The following BMP6 variants were observed in gnomAD, a reference collection of about 807,000 sequenced individuals.
BMP6 encodes bone morphogenetic protein 6.
BMP6 carries 17 observed loss-of-function variants against 54.1 expected under a neutral mutation model. The ratio of observed to expected loss-of-function variants is 0.31; its 90% CI spans 0.22 to 0.47. BMP6 has a LOEUF of 0.47. BMP6 is among the 20% of genes least tolerant of loss of function. BMP6 has a pLI of 1.00. For missense variants in BMP6, 720 were observed against 690.4 expected (o/e 1.04, Z -0.48); for synonymous variants, 328 against 291.2 (o/e 1.13, Z -1.28).
At position 7,861,583 on chromosome 6, in the gene BMP6, C is replaced by T. The variant is rs755337929; in HGVS notation, c.990C>T (p.Ser330=). Residue 330 remains serine, a synonymous_variant, in exon 3 of 7, where the codon AGC becomes AGT. Coordinates refer to ENST00000283147, the MANE Select transcript of BMP6 (RefSeq NM_001718.6). Reference sequence around the variant, plus strand: ...AGCATAACATGGGGCTTCAGCTGAGCGTGGTGACAAGGGATGGTAAGTTAT... The same window carrying T: ...AGCATAACATGGGGCTTCAGCTGAGTGTGGTGACAAGGGATGGTAAGTTAT... ...TPQHNMGLQL[S]VVTRDGVHVH... 12 of 1,613,960 alleles carry T rather than the reference C, an allele frequency of 7.4e-6. No homozygotes were observed. The highest frequency in any genetic ancestry group is 6.7e-5 in the Admixed American group (4 of 59,998).
In BMP6 at chr6:7,727,159, C is replaced by T. The variant is rs1270058113; in HGVS notation, c.204C>T (p.Tyr68=). ...PSPQSSSGFL[Y]RRLKTQEKRE... is the part of the protein sequence containing the mutation. ...CGCAGTCCTCCTCGGGCTTCCTGTA[C>T]CGGCGGCTCAAGACGCAGGAGAAGC... The change falls in exon 1 of 7, where the codon TAC becomes TAT. Residue 68 remains tyrosine (Y), a synonymous_variant. Coordinates refer to ENST00000283147, the MANE Select transcript of BMP6 (RefSeq NM_001718.6). The T allele has an allele frequency of 7.6e-6, 12 of 1,587,784 alleles. No homozygotes were observed. Among genetic ancestry groups the T allele is most frequent in the Non-Finnish European group, 1.0e-5 (12 of 1,168,616 alleles).
intron 1 of BMP6, among the ~76,000 whole-genome samples, chr6:7,780,275 C>T (rs778762165): frequency 1.3e-4 from 20 of 151,942 alleles, no homozygotes; most frequent in East Asian, 1.9e-4. Context: ...AGGCTGGGCA[C>T]GGTGGCTCAT....
intron 1 of BMP6, among the ~76,000 whole-genome samples, chr6:7,814,025 A>G (rs917993338): frequency 6.6e-6 from 1 of 152,202 alleles, no homozygotes; most frequent in Non-Finnish European, 1.5e-5. Flanking sequence ...GCTGACTGTC[A>G]GCCAGGGCTG....
At chr6:7,748,318 G>A (rs1049780736) in intron 1 of BMP6, among the ~76,000 whole-genome samples, 4 of 152,146 alleles carry the variant, frequency 2.6e-5, no homozygotes, top group Non-Finnish European at 5.9e-5. Context: ...GTACTCAGTA[G>A]TTAGAAGCTT....
rs181702218 is a variant in BMP6, at chr6:7,824,501, A to T, written c.665-20639A>T. On this transcript the variant is annotated intron_variant, in intron 1 of 6. Transcript: ENST00000283147. ...TGTGATCTTTTAGTTTATCTCAAGG[A>T]TATCAAAGGGGAGGGGAAGCCCTAA... 8.5e-5 allele frequency among the ~76,000 whole-genome samples: 13 copies of T among 152,314 alleles called. No homozygotes were observed. The East Asian group carries it at 2.5e-3, about 29-fold the overall frequency.
intron 1 of BMP6, among the ~76,000 whole-genome samples, chr6:7,778,358 C>A (rs1757892847): frequency 1.3e-5 from 2 of 152,174 alleles, no homozygotes; most frequent in East Asian, 3.8e-4. Context: ...ATCGAATTTC[C>A]TCAATCCTTG....
At position 7,879,974 on chromosome 6, in the gene BMP6, C is replaced by T. The variant is rs1196691462; in HGVS notation, c.1282-17C>T. 4.3e-6 allele frequency: 7 copies of T among 1,609,340 alleles called. No homozygotes were observed. The highest frequency in any genetic ancestry group is 1.7e-5 in the Admixed American group (1 of 59,982). On this transcript the variant is annotated splice_polypyrimidine_tract_variant and intron_variant, in intron 5 of 6. Coordinates refer to ENST00000283147, the MANE Select transcript of BMP6 (RefSeq NM_001718.6). Reference sequence around the variant, plus strand: ...GTGCATGCTCATCTTTTGTTGCTTCCTTTGCATGAAATTAAGGACTGGATC... The same window carrying T: ...GTGCATGCTCATCTTTTGTTGCTTCTTTTGCATGAAATTAAGGACTGGATC...
At chr6:7,823,297 G>A (rs773109748) in intron 1 of BMP6, among the ~76,000 whole-genome samples, 9 of 152,124 alleles carry the variant, frequency 5.9e-5, no homozygotes, top group Non-Finnish European at 1.2e-4. Context: ...ATGCTTGCAC[G>A]TATATTACTT....
At chr6:7,778,339 T>A (rs1228457690) in intron 1 of BMP6, among the ~76,000 whole-genome samples, 1 of 152,262 alleles carries the variant, frequency 6.6e-6, no homozygotes, top group Non-Finnish European at 1.5e-5. Flanking sequence ...TCTTTAAAAG[T>A]GCTCTCTCAT....
intron 1 of BMP6, among the ~76,000 whole-genome samples, chr6:7,844,089 C>T (rs1235804138): frequency 6.6e-6 from 1 of 152,076 alleles, no homozygotes; most frequent in Non-Finnish European, 1.5e-5. Context: ...CTATTTTCTG[C>T]TTCTGTGAGT....
chr6:7,839,857 A>G (rs1382569271), intron 1 of BMP6, among the ~76,000 whole-genome samples: 1 of 152,178 alleles, frequency 6.6e-6, no homozygotes, highest in Non-Finnish European at 1.5e-5. Flanking sequence ...TGCTAATTTT[A>G]TGTTTGTTTG....
chr6:7,861,362 C>G, intron 2 of BMP6, 89 bp from the exon 3 acceptor site: 1 of 1,510,208 alleles, frequency 6.6e-7, no homozygotes, highest in Non-Finnish European at 9.0e-7. Context: ...CTGACTCGGG[C>G]ATGTTTTATC....
chr6:7,830,016 C>T (rs548505893), intron 1 of BMP6, among the ~76,000 whole-genome samples: 1 of 152,176 alleles, frequency 6.6e-6, no homozygotes, highest in Non-Finnish European at 1.5e-5. Context: ...GCCTTTTGAT[C>T]TCACATCTTC....
chr6:7,788,178 A>T (rs377556317), intron 1 of BMP6, among the ~76,000 whole-genome samples: 1 of 152,172 alleles, frequency 6.6e-6, no homozygotes, highest in South Asian at 2.1e-4. Flanking sequence ...AGTCCTTGGA[A>T]ACATGTTGTC....
At chr6:7,751,291 T>G (rs965604106) in intron 1 of BMP6, among the ~76,000 whole-genome samples, 1 of 152,338 alleles carries the variant, frequency 6.6e-6, no homozygotes, top group East Asian at 1.9e-4. Context: ...CAGATCAATC[T>G]CATGGGGCTC....
intron 2 of BMP6, among the ~76,000 whole-genome samples, chr6:7,847,034 A>G (rs937659444): frequency 6.6e-6 from 1 of 152,322 alleles, no homozygotes; most frequent in African/African-American, 2.4e-5. Context: ...GTTTTAAAAA[A>G]GAGAGAGAGA....
chr6:7,771,303 A>G (rs1405869303), intron 1 of BMP6, among the ~76,000 whole-genome samples: 1 of 152,188 alleles, frequency 6.6e-6, no homozygotes, highest in Admixed American at 6.5e-5. Context: ...TCTCCAGTCC[A>G]TGTCCTCAGA....
chr6:7,792,616 A>G (rs993883498), intron 1 of BMP6, among the ~76,000 whole-genome samples: 1 of 152,338 alleles, frequency 6.6e-6, no homozygotes, highest in Admixed American at 6.5e-5. Flanking sequence ...GCGTCTACAT[A>G]TCTGAAAGTG....
intron 1 of BMP6, among the ~76,000 whole-genome samples, chr6:7,830,795 A>G (rs1758781829): frequency 6.6e-6 from 1 of 152,148 alleles, no homozygotes; most frequent in Non-Finnish European, 1.5e-5. Context: ...CACTATCACA[A>G]GAACAGCACG....
Sources: gnomAD v4.1 joint callset for allele counts (sites outside exome capture counted in the v4.1 genomes callset) on GRCh38, gnomAD v4.1.1 for gene constraint, MANE v1.5 for transcripts, NCBI Gene and HGNC (gene_info 2026-07-23, HGNC 2026-07-21) for gene names.